The following CUL5 variants were observed in gnomAD, a reference collection of about 807,000 sequenced individuals.
CUL5 encodes the protein cullin-5.
Under a neutral mutation model 108.8 loss-of-function variants are expected in CUL5, and 26 were observed. The observed-to-expected ratio is 0.24, with a 90% CI of 0.18 to 0.33. CUL5 has a LOEUF of 0.33. Among genes scored for constraint, CUL5 ranks in the 10% least tolerant of loss-of-function variants. The probability of loss-of-function intolerance (pLI) is 1.00; values close to 1 mark genes in which losing one functional copy is unlikely to be tolerated. For missense variants in CUL5, 524 were observed against 909.2 expected (o/e 0.58, Z 5.45); for synonymous variants, 334 against 298.0 (o/e 1.12, Z -1.25).
At chr11:108,093,352 C>T (rs1233312090) in intron 13 of CUL5, among the ~76,000 whole-genome samples, 1 of 152,128 alleles carries the variant, frequency 6.6e-6, no homozygotes, top group Non-Finnish European at 1.5e-5. Context: ...TTGCCAGGAT[C>T]ACTTCTTCTA....
chr11:108,061,960 G>A (rs1863546883), intron 7 of CUL5, among the ~76,000 whole-genome samples: 1 of 152,086 alleles, frequency 6.6e-6, no homozygotes, highest in African/African-American at 2.4e-5. Flanking sequence ...CAGATTTTGA[G>A]AATTCCCTGT....
At chr11:108,064,440 G>C (rs1863623692) in intron 7 of CUL5, among the ~76,000 whole-genome samples, 1 of 152,116 alleles carries the variant, frequency 6.6e-6, no homozygotes. Context: ...GGGCTCAGTG[G>C]CTCACGCCTG....
intron 2 of CUL5, among the ~76,000 whole-genome samples, chr11:108,043,754 G>A (rs1862996051): frequency 6.6e-6 from 1 of 152,228 alleles, no homozygotes; most frequent in South Asian, 2.1e-4. Flanking sequence ...AATAGTATCT[G>A]GCTGGTGCCT....
At chr11:108,032,593 C>CT (rs1471407157) in intron 1 of CUL5, among the ~76,000 whole-genome samples, 2 of 152,154 alleles carry the variant, frequency 1.3e-5, no homozygotes, top group African/African-American at 4.8e-5. Flanking sequence ...CTCTCTCTCT[C>CT]TCTCTCTCTG....
At chr11:108,094,325 AT>A in intron 13 of CUL5, 65 bp from the exon 14 acceptor site, 1 of 1,220,550 alleles carries the variant, frequency 8.2e-7, no homozygotes, top group Non-Finnish European at 1.1e-6. Context: ...TTCTATTAAA[AT>A]TTTTCCCAGT....
intron 8 of CUL5, among the ~76,000 whole-genome samples, chr11:108,071,112 T>C (rs1378360488): frequency 3.3e-5 from 5 of 152,376 alleles, no homozygotes; most frequent in Admixed American, 2.0e-4. Flanking sequence ...TACAGTTTTA[T>C]ATTCTAATCT....
chr11:108,078,319 C>T, intron 11 of CUL5, 79 bp downstream of exon 11: 1 of 650,254 alleles, frequency 1.5e-6, no homozygotes, highest in Non-Finnish European at 2.6e-6. Flanking sequence ...ATACAAAGTA[C>T]CCTGTTAGGT....
chr11:108,062,466 T>C (rs1220018023), intron 7 of CUL5, among the ~76,000 whole-genome samples: 6 of 151,220 alleles, frequency 4.0e-5, no homozygotes, highest in Non-Finnish European at 2.9e-5. Context: ...TATCATAGAT[T>C]TTAAAATATT....
At chr11:108,020,535 A>ATTTTT (rs34112083) in intron 1 of CUL5, among the ~76,000 whole-genome samples, 4 of 148,186 alleles carry the variant, frequency 2.7e-5, no homozygotes, top group Non-Finnish European at 4.5e-5. Context: ...TGTGTTTGTG[A>ATTTTT]TTTTTTTTTT....
At chr11:108,068,309 CT>C (rs1036444863) in intron 7 of CUL5, among the ~76,000 whole-genome samples, 2 of 150,376 alleles carry the variant, frequency 1.3e-5, no homozygotes, top group Admixed American at 6.6e-5. Flanking sequence ...CTGAAAAAAC[CT>C]TTTTTTTTGT....
intron 1 of CUL5, among the ~76,000 whole-genome samples, chr11:108,032,659 C>T (rs1203837878): frequency 2.0e-5 from 3 of 152,022 alleles, no homozygotes; most frequent in South Asian, 2.1e-4. Context: ...CTTTTACATT[C>T]CAGAGATAAA....
chr11:108,030,561 C>T (rs769420013), intron 1 of CUL5, among the ~76,000 whole-genome samples: 3 of 152,148 alleles, frequency 2.0e-5, no homozygotes, highest in South Asian at 2.1e-4. Flanking sequence ...CGCTTGAACC[C>T]GGGAGGCGGA....
chr11:108,069,934 G>A (rs1863779877), intron 7 of CUL5, among the ~76,000 whole-genome samples, 162 bp from the exon 8 acceptor site: 1 of 152,094 alleles, frequency 6.6e-6, no homozygotes, highest in Non-Finnish European at 1.5e-5. Flanking sequence ...TGGTAAACTA[G>A]TATAGCATAT....
chr11:108,027,795 A>G (rs7936826), intron 1 of CUL5, among the ~76,000 whole-genome samples: 20,204 of 152,254 alleles, frequency 0.13, 1,451 homozygotes, highest in African/African-American at 0.19. Flanking sequence ...ACAAAGTTTC[A>G]GTAACTTCCA....
intron 11 of CUL5, among the ~76,000 whole-genome samples, chr11:108,081,243 G>A (rs148701250): frequency 0.016 from 2,409 of 152,156 alleles, 58 homozygotes; most frequent in African/African-American, 0.054. Context: ...AGCCGAGATC[G>A]TGCCATTACA....
chr11:108,021,731 G>C (rs1862331110), intron 1 of CUL5, among the ~76,000 whole-genome samples: 1 of 152,046 alleles, frequency 6.6e-6, no homozygotes, highest in Admixed American at 6.6e-5. Flanking sequence ...GCCCAGGCTA[G>C]TTTCAAACTC....
At chr11:108,055,930 C>A (rs1444635803) in intron 7 of CUL5, among the ~76,000 whole-genome samples, 3 of 152,148 alleles carry the variant, frequency 2.0e-5, no homozygotes, top group African/African-American at 7.2e-5. Context: ...TGCACCCGGC[C>A]ACCTGGCTAA....
intron 1 of CUL5, among the ~76,000 whole-genome samples, chr11:108,024,754 C>A (rs995695395): frequency 6.6e-6 from 1 of 152,024 alleles, no homozygotes; most frequent in South Asian, 2.1e-4. Context: ...TTATAATCCC[C>A]AATTAGTGAA....
chr11:108,011,336 T>G (rs1862052659), intron 1 of CUL5, among the ~76,000 whole-genome samples: 2 of 152,228 alleles, frequency 1.3e-5, no homozygotes, highest in Non-Finnish European at 2.9e-5. Context: ...GAAGCTACTT[T>G]GGTTCATATT....
Sources: gnomAD v4.1 joint callset for allele counts (sites outside exome capture counted in the v4.1 genomes callset) on GRCh38, gnomAD v4.1.1 for gene constraint, MANE v1.5 for transcripts, NCBI Gene and HGNC (gene_info 2026-07-23, HGNC 2026-07-21) for gene names.